Variants in SOX5 observed in about 807,000 individuals in gnomAD.
The protein encoded by SOX5 is transcription factor SOX-5.
A neutral mutation model predicts 92.0 loss-of-function variants in SOX5; 9 were observed. The observed-to-expected ratio is 0.10, with a 90% CI of 0.06 to 0.17. SOX5 has a LOEUF of 0.17. Ranked by LOEUF, SOX5 falls within the 10% of genes least tolerant of loss-of-function variation. The pLI is 1.00. For missense variants in SOX5, 642 were observed against 944.5 expected, an observed-to-expected ratio of 0.68 and a Z score of 4.20; for synonymous variants, 344 against 336.3, an observed-to-expected ratio of 1.02 and a Z score of -0.25.
chr12:24,212,323 T>C, intron 4 of SOX5: 2 of 500,904 alleles, frequency 4.0e-6, no homozygotes, highest in Non-Finnish European at 7.9e-6. Context: ...TTAAGCTTAG[T>C]TCCTTTAGGA....
intron 2 of SOX5, among the ~76,000 whole-genome samples, chr12:23,851,666 T>C (rs553534236): frequency 6.6e-6 from 1 of 152,026 alleles, no homozygotes; most frequent in African/African-American, 2.4e-5. Flanking sequence ...GGTCCAGTAG[T>C]TCAAAAAATG....
At chr12:24,054,096 A>C (rs11047238) in intron 4 of SOX5, among the ~76,000 whole-genome samples, 86,139 of 152,072 alleles carry the variant, frequency 0.57, 24,698 homozygotes, top group Middle Eastern at 0.69. Flanking sequence ...AAAACAAGAC[A>C]TTAAAGAACA....
At chr12:24,095,004 C>G (rs1038231978) in intron 4 of SOX5, among the ~76,000 whole-genome samples, 1 of 151,814 alleles carries the variant, frequency 6.6e-6, no homozygotes, top group Non-Finnish European at 1.5e-5. Context: ...ACATCTTATC[C>G]TTCTGGAAAT....
chr12:23,791,371 A>G (rs995598932), intron 3 of SOX5, among the ~76,000 whole-genome samples: 8 of 152,198 alleles, frequency 5.3e-5, no homozygotes, highest in Non-Finnish European at 1.2e-4. Context: ...GTGCAATCAT[A>G]GCATACTACA....
intron 6 of SOX5, among the ~76,000 whole-genome samples, chr12:23,706,647 T>C (rs1293183416): frequency 6.6e-6 from 1 of 152,032 alleles, no homozygotes; most frequent in Non-Finnish European, 1.5e-5. Context: ...AAAATAGGGC[T>C]AAAATTTTAA....
chr12:23,972,504 C>T (rs1591946721), intron 4 of SOX5, among the ~76,000 whole-genome samples: 1 of 147,092 alleles, frequency 6.8e-6, no homozygotes, highest in Non-Finnish European at 1.5e-5. Flanking sequence ...ATTACAGGCG[C>T]CCACCACTAC....
At chr12:23,849,129 T>C (rs2096604344) in intron 2 of SOX5, among the ~76,000 whole-genome samples, 1 of 152,206 alleles carries the variant, frequency 6.6e-6, no homozygotes, top group South Asian at 2.1e-4. Context: ...AATTAACTCA[T>C]TTTATAAAAG....
At chr12:24,087,298 G>A (rs1944115274) in intron 4 of SOX5, among the ~76,000 whole-genome samples, 1 of 151,946 alleles carries the variant, frequency 6.6e-6, no homozygotes, top group Non-Finnish European at 1.5e-5. Flanking sequence ...AGGACACATT[G>A]ACAAATTTTC....
chr12:24,553,168 G>A (rs1304943985), intron 1 of SOX5, among the ~76,000 whole-genome samples: 2 of 152,186 alleles, frequency 1.3e-5, no homozygotes, highest in Non-Finnish European at 2.9e-5. Context: ...ATTTTACAGA[G>A]AGGAATCCCA....
At chr12:24,395,434 T>C (rs778834915) in intron 1 of SOX5, among the ~76,000 whole-genome samples, 3 of 152,206 alleles carry the variant, frequency 2.0e-5, no homozygotes, top group African/African-American at 4.8e-5. Flanking sequence ...TCTTTCCCAA[T>C]TGCTCTCTAA....
At chr12:24,165,042 C>A (rs1953234320) in intron 4 of SOX5, among the ~76,000 whole-genome samples, 1 of 151,940 alleles carries the variant, frequency 6.6e-6, no homozygotes, top group South Asian at 2.1e-4. Flanking sequence ...TTGCAAACAC[C>A]TTTTCCTTGA....
intron 1 of SOX5, among the ~76,000 whole-genome samples, chr12:24,415,514 GTCCCC>G (rs1191437585): frequency 1.3e-5 from 2 of 152,022 alleles, no homozygotes; most frequent in African/African-American, 4.8e-5. Context: ...TCCCAAATTA[GTCCCC>G]TCAGCTGATA....
intron 3 of SOX5, among the ~76,000 whole-genome samples, chr12:23,798,620 G>T (rs1186181074): frequency 7.0e-6 from 1 of 142,982 alleles, no homozygotes; most frequent in Admixed American, 7.0e-5. Flanking sequence ...AAAAAAACCA[G>T]TTCTCTCTTA....
intron 1 of SOX5, among the ~76,000 whole-genome samples, chr12:23,904,353 G>A (rs972697055): frequency 4.6e-5 from 7 of 151,798 alleles, no homozygotes; most frequent in South Asian, 4.1e-4. Context: ...TCATTATACC[G>A]TTATTTAGCG....
At chr12:23,575,902 C>A (rs1034325200) in intron 9 of SOX5, 64 bp from the exon 10 acceptor site, 9 of 1,232,776 alleles carry the variant, frequency 7.3e-6, no homozygotes, top group Non-Finnish European at 7.9e-6. Flanking sequence ...CCTAGAAAAA[C>A]ACAGGTATGC....
At chr12:23,979,703 T>TTG (rs1949328864) in intron 4 of SOX5, among the ~76,000 whole-genome samples, 1 of 79,958 alleles carries the variant, frequency 1.3e-5, no homozygotes, top group Non-Finnish European at 2.4e-5. Flanking sequence ...TATATGTTTT[T>TTG]TTTGTTTTTT....
rs1952426651 is a variant in SOX5 at position 24,158,517 on chromosome 12, T to G, written c.-2+54826A>C. Among the ~76,000 whole-genome samples the G allele has an allele frequency of 1.3e-5, 2 of 152,164 alleles. 1 individual carries two copies. Among genetic ancestry groups the G allele is most frequent in the South Asian group, 4.1e-4 (2 of 4,824 alleles). On this transcript the variant is annotated intron_variant, in intron 4 of 4. Coordinates refer to the SOX5 transcript ENST00000446891. Reference sequence around the variant, plus strand: ...TGGTATGTCAAATCACAGTAATCTTTATGCCATTAAACGTAGCTTTGAGGT... The same window carrying G: ...TGGTATGTCAAATCACAGTAATCTTGATGCCATTAAACGTAGCTTTGAGGT...
chr12:23,954,030 G>A (rs949532113), upstream of SOX5, among the ~76,000 whole-genome samples: 1 of 151,832 alleles, frequency 6.6e-6, no homozygotes, highest in African/African-American at 2.4e-5. Context: ...TCACAAACAA[G>A]TTATTTTCAA....
chr12:23,736,054 C>A (rs547031309), intron 5 of SOX5, among the ~76,000 whole-genome samples: 1 of 151,942 alleles, frequency 6.6e-6, no homozygotes, highest in Admixed American at 6.6e-5. Flanking sequence ...AACATTTCAT[C>A]ACATGGGATA....
Sources: allele counts gnomAD v4.1 joint callset (sites outside exome capture counted in the v4.1 genomes callset), GRCh38; gene constraint gnomAD v4.1.1; transcripts MANE v1.5; gene names NCBI Gene and HGNC (gene_info 2026-07-23, HGNC 2026-07-21).